The following PTCHD1 variants were observed in gnomAD, a reference collection of about 807,000 sequenced individuals.
PTCHD1 encodes patched domain containing 1.
PTCHD1 carries 3 observed loss-of-function variants against 34.6 expected under a neutral mutation model. The ratio of observed to expected loss-of-function variants is 0.09; its 90% CI spans 0.04 to 0.22. PTCHD1 has a LOEUF of 0.22. Among genes scored for constraint, PTCHD1 ranks in the 10% least tolerant of loss-of-function variants. The probability of loss-of-function intolerance (pLI) is 1.00; values close to 1 mark genes in which losing one functional copy is unlikely to be tolerated. For missense variants in PTCHD1, 504 were observed against 685.5 expected, an observed-to-expected ratio of 0.74 and a Z score of 2.96; for synonymous variants, 305 against 283.1, an observed-to-expected ratio of 1.08 and a Z score of -0.77.
At chrX:23,362,605 C>A (rs1380755823) in intron 1 of PTCHD1, among the ~76,000 whole-genome samples, 1 of 111,988 alleles carries the variant, frequency 8.9e-6, no homozygotes, top group Non-Finnish European at 1.9e-5. Flanking sequence ...TTGTAATTAC[C>A]GACCTTCTGA....
intron 2 of PTCHD1, among the ~76,000 whole-genome samples, chrX:23,385,539 C>G (rs760942846): frequency 2.0e-4 from 22 of 111,542 alleles, no homozygotes; most frequent in Non-Finnish European, 1.7e-4. Flanking sequence ...AACATAGACC[C>G]TGGGGAGAAA....
intron 1 of PTCHD1, among the ~76,000 whole-genome samples, chrX:23,371,361 C>T (rs761479870): frequency 2.7e-5 from 3 of 111,458 alleles, no homozygotes; most frequent in South Asian, 7.6e-4. Flanking sequence ...GAAGAAAAGC[C>T]GTCGGCTATG....
At chrX:23,392,058 T>TTTTC (rs1373201862) in intron 2 of PTCHD1, among the ~76,000 whole-genome samples, 15 of 81,054 alleles carry the variant, frequency 1.9e-4, no homozygotes, top group Admixed American at 6.8e-4. Flanking sequence ...TTTCTTTCTT[T>TTTTC]TTTCTTTCTT....
At chrX:23,366,205 C>T (rs1215265698) in intron 1 of PTCHD1, among the ~76,000 whole-genome samples, 1 of 112,259 alleles carries the variant, frequency 8.9e-6, no homozygotes, top group Non-Finnish European at 1.9e-5. Context: ...CTAGTTGTTA[C>T]ATTGGTGTCT....
chrX:23,338,097 C>T (rs1187524015), intron 1 of PTCHD1, among the ~76,000 whole-genome samples: 1 of 111,733 alleles, frequency 8.9e-6, no homozygotes, highest in African/African-American at 3.3e-5. Flanking sequence ...ATACTCTGAC[C>T]ACTGTAGCTT....
chrX:23,347,834 C>T (rs777421159), intron 1 of PTCHD1, among the ~76,000 whole-genome samples: 3 of 110,697 alleles, frequency 2.7e-5, no homozygotes, highest in East Asian at 2.8e-4. Context: ...AGCAAGACCC[C>T]GTCTCTACAA....
chrX:23,335,307 G>C, intron 1 of PTCHD1, 81 bp downstream of exon 1: 4 of 808,143 alleles, frequency 4.9e-6, no homozygotes, highest in South Asian at 4.4e-5. Flanking sequence ...TCCCGGCTGA[G>C]AGCGCCACCT....
chrX:23,385,944 A>T (rs1340422566), intron 2 of PTCHD1, among the ~76,000 whole-genome samples: 6 of 110,897 alleles, frequency 5.4e-5, no homozygotes, highest in Non-Finnish European at 1.1e-4. Context: ...TTATGTATTT[A>T]TATGTATACA....
chrX:23,343,046 T>C (rs1332600248), intron 1 of PTCHD1, among the ~76,000 whole-genome samples: 5 of 112,521 alleles, frequency 4.4e-5, no homozygotes, highest in African/African-American at 1.6e-4. Flanking sequence ...AATGTGGAGT[T>C]TGCAGCAGGT....
intron 1 of PTCHD1, among the ~76,000 whole-genome samples, chrX:23,362,803 TG>T (rs748682982): frequency 1.5e-4 from 17 of 112,182 alleles, no homozygotes; most frequent in Non-Finnish European, 3.2e-4. Flanking sequence ...GACCTACAGA[TG>T]GGGTTTTGGT....
chrX:23,364,667 A>G (rs1009790052), intron 1 of PTCHD1, among the ~76,000 whole-genome samples: 1 of 112,200 alleles, frequency 8.9e-6, no homozygotes, highest in Non-Finnish European at 1.9e-5. Context: ...CTGCCTGGGA[A>G]GGAATCCAGT....
At chrX:23,375,923 A>C (rs1444353694) in intron 1 of PTCHD1, among the ~76,000 whole-genome samples, 1 of 112,111 alleles carries the variant, frequency 8.9e-6, no homozygotes, top group African/African-American at 3.2e-5. Context: ...TCAGAGCCTT[A>C]AAACTAATCT....
intron 1 of PTCHD1, among the ~76,000 whole-genome samples, chrX:23,368,920 C>A (rs983580258): frequency 9.0e-6 from 1 of 110,546 alleles, no homozygotes; most frequent in Non-Finnish European, 1.9e-5. Flanking sequence ...AAGAATTACC[C>A]AGACGTGGTG....
chrX:23,377,101 A>G (rs1201160880), intron 1 of PTCHD1, among the ~76,000 whole-genome samples: 1 of 112,163 alleles, frequency 8.9e-6, no homozygotes, highest in Non-Finnish European at 1.9e-5. Context: ...TAGAGAATGG[A>G]TGGAAAATAT....
intron 1 of PTCHD1, among the ~76,000 whole-genome samples, chrX:23,353,799 G>A (rs1157291894): frequency 1.8e-5 from 2 of 111,402 alleles, no homozygotes. Context: ...AAGGGTAGAT[G>A]GAAAGCAAAA....
rs768265513 is a variant in PTCHD1 at position 23,379,686 on chromosome X, C to A, written c.447C>A (p.Ile149=). The A allele has an allele frequency of 1.7e-6, 2 of 1,210,889 alleles. No individual in the cohort carries two copies. Among genetic ancestry groups the A allele is most frequent in the East Asian group, 5.9e-5 (2 of 33,826 alleles). Residue 149 remains isoleucine (I), a synonymous_variant, in exon 2 of 3, where the codon ATC becomes ATA. Coordinates refer to ENST00000379361, the MANE Select transcript of PTCHD1 (RefSeq NM_173495.3). ...TCCTGAATAATGATAAGACTTGCAT[C>A]GTGGATGACATAGTGCACGTCCTGG... The part of the protein sequence containing the change: ...ICILNNDKTC[I]VDDIVHVLEE...
chrX:23,389,424 C>T (rs779915091), intron 2 of PTCHD1, among the ~76,000 whole-genome samples: 1 of 112,187 alleles, frequency 8.9e-6, no homozygotes, highest in African/African-American at 3.2e-5. Context: ...TTGTCCCTCC[C>T]TTGACTGACA....
rs1307752051 is a variant in PTCHD1, at chrX:23,394,597, C to T, written c.*412C>T. ...AAGGTCAACTGCCAAGGCAGAAACA[C>T]CTTTAAGCATTGTTCAAACAATAAG... On this transcript the variant is annotated 3_prime_UTR_variant, in exon 3 of 3. Coordinates refer to ENST00000379361, the MANE Select transcript of PTCHD1 (RefSeq NM_173495.3). 1 of 138,989 alleles carries T rather than the reference C, an allele frequency of 7.2e-6. No homozygotes were observed. Among genetic ancestry groups the T allele is most frequent in the South Asian group, 2.0e-4 (1 of 4,885 alleles). The allele number at this position is 138,989 out of a possible 1,213,427, so 11.5% of individuals were successfully genotyped here.
rs769823700 is a variant in PTCHD1, at chrX:23,377,839, T to C, written c.352-1752T>C. On this transcript the variant is annotated intron_variant, in intron 1 of 2. Transcript: ENST00000379361. The stretch of plus-strand genomic sequence containing the variant: ...ATAATATCCCACTCATCCAGGCACA[T>C]GCGCAGCAAAATGTCTTAACAGATA... Among the ~76,000 whole-genome samples, 14 of 111,373 alleles carry C rather than the reference T, an allele frequency of 1.3e-4. No homozygotes were observed. The South Asian group carries it at 5.0e-3, about 39-fold the overall frequency.
Sources: allele counts gnomAD v4.1 joint callset (sites outside exome capture counted in the v4.1 genomes callset), GRCh38; gene constraint gnomAD v4.1.1; transcripts MANE v1.5; gene names NCBI Gene and HGNC (gene_info 2026-07-23, HGNC 2026-07-21).